The following EYS variants were observed in gnomAD, a reference collection of about 807,000 sequenced individuals.
EYS encodes the protein EGF-like photoreceptor maintenance factor.
A neutral mutation model predicts 282.1 loss-of-function variants in EYS; 250 were observed. The observed-to-expected ratio is 0.89, with a 90% CI of 0.80 to 0.98. The LOEUF is 0.98. EYS is among the 50% of genes least tolerant of loss of function. The pLI is 0.00. For missense variants in EYS, 4,016 were observed against 3,709.0 expected (o/e 1.08, Z -2.15); for synonymous variants, 1,355 against 1,282.9 (o/e 1.06, Z -1.20).
intron 5 of EYS, among the ~76,000 whole-genome samples, chr6:65,414,588 T>C (rs1311417350): frequency 1.3e-5 from 2 of 152,114 alleles, no homozygotes; most frequent in Non-Finnish European, 2.9e-5. Flanking sequence ...ATCTTTTTTT[T>C]TTATGTAAGT....
chr6:65,114,204 A>C (rs1294726416), intron 12 of EYS, among the ~76,000 whole-genome samples: 1 of 152,028 alleles, frequency 6.6e-6, no homozygotes, highest in Non-Finnish European at 1.5e-5. Context: ...TTACATAAAA[A>C]ATGTTAAAGT....
At chr6:65,276,896 T>C (rs75999701) in intron 12 of EYS, among the ~76,000 whole-genome samples, 3,693 of 152,222 alleles carry the variant, frequency 0.024, 142 homozygotes, top group African/African-American at 0.081. Flanking sequence ...TATGTGCATG[T>C]TTGTATAAAA....
At chr6:65,195,559 G>A (rs1323293835) in intron 12 of EYS, among the ~76,000 whole-genome samples, 14 of 151,938 alleles carry the variant, frequency 9.2e-5, no homozygotes, top group Admixed American at 8.5e-4. Flanking sequence ...GTGTTAAATG[G>A]AAAGTAGATT....
chr6:64,372,130 G>GTTTTTTTTTTTTTTTTTTTTTTTTTTTT (rs201498090), intron 29 of EYS, among the ~76,000 whole-genome samples: 17 of 97,714 alleles, frequency 1.7e-4, no homozygotes, highest in South Asian at 3.2e-4. Flanking sequence ...GTATACTTGT[G>GTTTTTTTTTTTTTTTTTTTTTTTTTTTT]TTTTTTTTTT....
In EYS at chr6:65,612,201, T is replaced by C. The variant is rs116593831; in HGVS notation, c.-333+27577A>G. Among the ~76,000 whole-genome samples the C allele has an allele frequency of 9.8e-3, 1,473 of 150,800 alleles. 21 individuals carry two copies. Among genetic ancestry groups the C allele is most frequent in the African/African-American group, 0.025 (1,042 of 41,202 alleles). On this transcript the variant is annotated intron_variant, in intron 2 of 42. Transcript: ENST00000503581. ...TGTCTTTGAATGTAAACCCTGTATA[T>C]ATATGTATATATATGATATATATGT...
chr6:65,407,787 ATGTC>A lies in EYS; in HGVS notation c.863-2424_863-2421del, dbSNP rs1766818320. ...TGTGTGTGTGTGTGTGTGTGTGTGT[ATGTC>A]TAACAAATAGCCTGGAACTTCCTAT... On this transcript the variant is annotated intron_variant, in intron 5 of 42. Transcript: ENST00000503581. Among the ~76,000 whole-genome samples, 12 of 124,458 alleles carry A rather than the reference ATGTC, an allele frequency of 9.6e-5. No individual in the cohort carries two copies. In the South Asian group the frequency reaches 3.1e-3, roughly 32 times the overall value. 81.6% of individuals were successfully genotyped at this position (124,458 alleles called of 152,430 possible). A position where few individuals can be genotyped will look rare whatever the true frequency, so the allele number is the denominator to read the frequency against.
chr6:65,618,606 T>A (rs1766322371), intron 2 of EYS, among the ~76,000 whole-genome samples: 1 of 152,228 alleles, frequency 6.6e-6, no homozygotes, highest in South Asian at 2.1e-4. Flanking sequence ...GCTTTTGGTG[T>A]TTTACATATG....
chr6:65,447,524 GTATT>G (rs1410771564), intron 5 of EYS, among the ~76,000 whole-genome samples: 1 of 151,232 alleles, frequency 6.6e-6, no homozygotes, highest in Non-Finnish European at 1.5e-5. Flanking sequence ...GTATTTCTAT[GTATT>G]TATTTTTTTG....
chr6:65,027,785 T>C (rs1772465574), intron 13 of EYS, among the ~76,000 whole-genome samples: 1 of 152,200 alleles, frequency 6.6e-6, no homozygotes, highest in African/African-American at 2.4e-5. Context: ...TACCAGAAGT[T>C]ATCTGTTCAT....
At chr6:65,188,980 A>C (rs1765577443) in intron 12 of EYS, among the ~76,000 whole-genome samples, 1 of 151,552 alleles carries the variant, frequency 6.6e-6, no homozygotes, top group African/African-American at 2.4e-5. Flanking sequence ...TTAAGCCATA[A>C]AATTGTGTAA....
chr6:65,545,652 C>T (rs1768358037), intron 2 of EYS, among the ~76,000 whole-genome samples: 1 of 151,992 alleles, frequency 6.6e-6, no homozygotes, highest in African/African-American at 2.4e-5. Context: ...AAAGAAGTAT[C>T]AAATCAATTT....
chr6:64,358,464 G>C (rs551440614), intron 29 of EYS, among the ~76,000 whole-genome samples: 2 of 151,728 alleles, frequency 1.3e-5, no homozygotes, highest in South Asian at 4.2e-4. Flanking sequence ...TGTGGTCTGA[G>C]TAGCTTCATG....
chr6:65,412,794 G>C (rs535113127), intron 5 of EYS, among the ~76,000 whole-genome samples: 1 of 151,968 alleles, frequency 6.6e-6, no homozygotes, highest in South Asian at 2.1e-4. Context: ...TCTTAACATG[G>C]TATTTCTAGA....
chr6:64,560,243 A>C (rs899502787), intron 26 of EYS, among the ~76,000 whole-genome samples: 28 of 151,780 alleles, frequency 1.8e-4, no homozygotes, highest in Non-Finnish European at 1.5e-5. Flanking sequence ...ACTAATCCTT[A>C]TGATGTGTAG....
intron 35 of EYS, among the ~76,000 whole-genome samples, chr6:63,868,620 G>C (rs1471011521): frequency 1.3e-5 from 2 of 152,112 alleles, no homozygotes; most frequent in Non-Finnish European, 2.9e-5. Flanking sequence ...GCTACTGGCG[G>C]AAATAACCCA....
At chr6:63,781,337 G>T (rs1351749413) in intron 39 of EYS, among the ~76,000 whole-genome samples, 1 of 152,090 alleles carries the variant, frequency 6.6e-6, no homozygotes, top group Non-Finnish European at 1.5e-5. Context: ...AATTACCTTG[G>T]GCAGTATGGC....
intron 18 of EYS, among the ~76,000 whole-genome samples, chr6:64,898,105 C>T (rs373392481): frequency 1.3e-5 from 2 of 152,054 alleles, no homozygotes; most frequent in African/African-American, 4.8e-5. Flanking sequence ...ATACAGAGAA[C>T]ACCACAAAGA....
chr6:64,106,194 T>C (rs1027134499), intron 31 of EYS, among the ~76,000 whole-genome samples: 1 of 152,172 alleles, frequency 6.6e-6, no homozygotes, highest in Non-Finnish European at 1.5e-5. Context: ...TTTCATTTTC[T>C]TTCATTTCTT....
At chr6:64,087,880 T>A (rs1772210402) in intron 31 of EYS, among the ~76,000 whole-genome samples, 1 of 152,090 alleles carries the variant, frequency 6.6e-6, no homozygotes, top group Admixed American at 6.5e-5. Context: ...TGAGAAGCAA[T>A]GAACTCACAA....
Sources: allele counts gnomAD v4.1 joint callset (sites outside exome capture counted in the v4.1 genomes callset), GRCh38; gene constraint gnomAD v4.1.1; transcripts MANE v1.5; gene names NCBI Gene and HGNC (gene_info 2026-07-23, HGNC 2026-07-21).